Variants in ZBBX observed in about 807,000 individuals in gnomAD.
The protein encoded by ZBBX is zinc finger B-box domain-containing protein 1.
Under a neutral mutation model 108.5 loss-of-function variants are expected in ZBBX, and 101 were observed. The observed-to-expected ratio is 0.93, with a 90% CI of 0.79 to 1.10. The LOEUF (loss-of-function observed/expected upper bound fraction) is 1.10, where lower values mean the gene tolerates loss of function less well. Among genes scored for constraint, ZBBX ranks in the 50% least tolerant of loss-of-function variants. The pLI is 0.00. For missense variants in ZBBX, 1,009 were observed against 941.4 expected (o/e 1.07, Z -0.94); for synonymous variants, 356 against 323.4 (o/e 1.10, Z -1.08).
At chr3:167,341,832 A>G (rs774826070) in intron 9 of ZBBX, among the ~76,000 whole-genome samples, 3 of 151,998 alleles carry the variant, frequency 2.0e-5, no homozygotes, top group Non-Finnish European at 4.4e-5. Flanking sequence ...ATTTTTAGGC[A>G]TAACAGAATA....
At chr3:167,379,249 A>G (rs1482651567) in intron 2 of ZBBX, among the ~76,000 whole-genome samples, 3 of 152,212 alleles carry the variant, frequency 2.0e-5, no homozygotes, top group Non-Finnish European at 4.4e-5. Context: ...GTGTCAGGTT[A>G]AGCACTGAGG....
At chr3:167,385,293 A>G (rs1033311920), upstream of ZBBX, among the ~76,000 whole-genome samples, 2 of 151,996 alleles carry the variant, frequency 1.3e-5, no homozygotes, top group African/African-American at 4.8e-5. Context: ...AATGGTCAGT[A>G]TTTGTGTATC....
At chr3:167,358,986 G>T (rs1744080693) in intron 8 of ZBBX, among the ~76,000 whole-genome samples, 1 of 135,326 alleles carries the variant, frequency 7.4e-6, no homozygotes, top group Non-Finnish European at 1.6e-5. Flanking sequence ...TCACTTGTGA[G>T]AAAAGAAAAA....
At chr3:167,356,756 C>A (rs1047935466) in intron 8 of ZBBX, among the ~76,000 whole-genome samples, 6 of 152,108 alleles carry the variant, frequency 3.9e-5, no homozygotes, top group African/African-American at 1.4e-4. Context: ...AACTACACTC[C>A]TACCCTCATG....
At chr3:167,270,400 C>A (rs1160372877) in intron 20 of ZBBX, among the ~76,000 whole-genome samples, 1 of 152,138 alleles carries the variant, frequency 6.6e-6, no homozygotes, top group African/African-American at 2.4e-5. Flanking sequence ...CCAGAAAAAC[C>A]TGACCATCTC....
intron 3 of ZBBX, among the ~76,000 whole-genome samples, chr3:167,373,505 C>T (rs1746479465): frequency 6.6e-6 from 1 of 152,116 alleles, no homozygotes; most frequent in Non-Finnish European, 1.5e-5. Context: ...GGGCACCAAT[C>T]CCCCAAAAAT....
intron 11 of ZBBX, among the ~76,000 whole-genome samples, chr3:167,323,240 G>GT (rs966833369): frequency 9.8e-5 from 7 of 71,530 alleles, no homozygotes; most frequent in East Asian, 5.0e-4. Flanking sequence ...GCTAAAAGAG[G>GT]GGGGGGGGGG....
intron 20 of ZBBX, among the ~76,000 whole-genome samples, chr3:167,276,757 T>A (rs368614347): frequency 1.3e-5 from 2 of 152,016 alleles, no homozygotes; most frequent in Non-Finnish European, 2.9e-5. Flanking sequence ...CACAAAGATA[T>A]TCCTCGAGAA....
chr3:167,288,889 T>C lies in ZBBX; in HGVS notation c.1974A>G (p.Ser658=). 6.5e-7 allele frequency: 1 copy of C among 1,534,862 alleles called. No homozygotes were observed. Among genetic ancestry groups the C allele is most frequent in the Non-Finnish European group, 8.8e-7 (1 of 1,136,648 alleles). The change falls in exon 19 of 22, where the codon TCA becomes TCG. Residue 658 remains serine, a synonymous_variant. Transcript: ENST00000675490. ...GVLQGAQSPS[S]SRKQQKMGQK... ...TACCCATCTTTTGCTGTTTTCTACT[T>C]GATGATGGACTCTGAGCACCCTGCA...
At chr3:167,185,560 T>G in the ZBBX span, among the ~76,000 whole-genome samples, 1 of 152,168 alleles carries the variant, frequency 6.6e-6, no homozygotes, top group Non-Finnish European at 1.5e-5. Flanking sequence ...GAGGTTATAT[T>G]ATTTTGCTTG....
At chr3:167,315,717 A>C (rs556916629) in intron 15 of ZBBX, 33 bp downstream of exon 15, 1 of 1,488,346 alleles carries the variant, frequency 6.7e-7, no homozygotes, top group African/African-American at 1.4e-5. Flanking sequence ...AGGGGGCTCA[A>C]TATGCACACA....
intron 20 of ZBBX, among the ~76,000 whole-genome samples, chr3:167,258,835 G>T (rs1440743315): frequency 1.3e-5 from 2 of 152,132 alleles, no homozygotes; most frequent in African/African-American, 2.4e-5. Context: ...TTTGATCAAG[G>T]TGGATTATCT....
At chr3:167,351,474 G>A (rs1204405630) in intron 8 of ZBBX, among the ~76,000 whole-genome samples, 4 of 152,118 alleles carry the variant, frequency 2.6e-5, no homozygotes, top group Non-Finnish European at 4.4e-5. Context: ...GTGAAGAAAA[G>A]AGAAACAGGG....
intron 5 of ZBBX, 143 bp from the exon 6 acceptor site, chr3:167,366,119 T>G (rs988052765): frequency 5.9e-6 from 3 of 511,312 alleles, no homozygotes; most frequent in Non-Finnish European, 1.1e-5. Flanking sequence ...AAAATAAATA[T>G]CAATAATGTC....
chr3:167,395,301 T>C (rs1748196215), intron 1 of ZBBX, among the ~76,000 whole-genome samples: 1 of 152,054 alleles, frequency 6.6e-6, no homozygotes, highest in African/African-American at 2.4e-5. Context: ...TAATTTTAAG[T>C]TTTATAAATA....
intron 2 of ZBBX, among the ~76,000 whole-genome samples, chr3:167,377,746 T>A (rs1225232941): frequency 6.6e-6 from 1 of 152,106 alleles, no homozygotes; most frequent in East Asian, 1.9e-4. Flanking sequence ...TAGAATAGTA[T>A]CTTGTGCTGG....
chr3:167,236,768 A>G (rs116624743), downstream of ZBBX, among the ~76,000 whole-genome samples: 2,030 of 151,952 alleles, frequency 0.013, 22 homozygotes, highest in South Asian at 0.026. Context: ...GACAATCAAT[A>G]TGGAACATGA....
intron 20 of ZBBX, among the ~76,000 whole-genome samples, chr3:167,275,618 G>A (rs1457933670): frequency 5.9e-5 from 9 of 152,274 alleles, no homozygotes; most frequent in Admixed American, 1.3e-4. Flanking sequence ...CACATGGCTC[G>A]GAGGGTCCTA....
At chr3:167,365,808 T>C (rs1484322525) in intron 6 of ZBBX, 78 bp downstream of exon 6, 13 of 943,466 alleles carry the variant, frequency 1.4e-5, no homozygotes, top group East Asian at 2.6e-5. Flanking sequence ...TTCCTGAGTA[T>C]AGAAGAAAAT....
Sources: gnomAD v4.1 joint callset for allele counts (sites outside exome capture counted in the v4.1 genomes callset) on GRCh38, gnomAD v4.1.1 for gene constraint, MANE v1.5 for transcripts, NCBI Gene and HGNC (gene_info 2026-07-23, HGNC 2026-07-21) for gene names.